The following ANKRD26 variants were observed in gnomAD, a reference collection of about 807,000 sequenced individuals.
ANKRD26 encodes the protein ankyrin repeat domain 26, also known as ankyrin repeat domain-containing protein 26.
A neutral mutation model predicts 208.7 loss-of-function variants in ANKRD26; 141 were observed. The observed-to-expected ratio is 0.68, with a 90% confidence interval of 0.59 to 0.78. The LOEUF (loss-of-function observed/expected upper bound fraction) is 0.78, where lower values mean the gene tolerates loss of function less well. Ranked by LOEUF, ANKRD26 falls within the 30% of genes least tolerant of loss-of-function variation. The probability of loss-of-function intolerance (pLI) is 0.00; values close to 1 mark genes in which losing one functional copy is unlikely to be tolerated. For synonymous variants in ANKRD26, 636 were observed against 660.4 expected (o/e 0.96, Z 0.57); for missense variants, 1,889 against 1,938.7 (o/e 0.97, Z 0.48).
intron 15 of ANKRD26, among the ~76,000 whole-genome samples, chr10:27,054,172 C>T (rs1246181672): frequency 6.6e-6 from 1 of 152,104 alleles, no homozygotes; most frequent in African/African-American, 2.4e-5. Context: ...TGTTTATGCC[C>T]TTGCTCCCAG....
At chr10:27,056,251 C>T (rs2054835742) in intron 15 of ANKRD26, among the ~76,000 whole-genome samples, 1 of 152,080 alleles carries the variant, frequency 6.6e-6, no homozygotes, top group Admixed American at 6.5e-5. Context: ...GATCTTGGCT[C>T]ACTGCAACCT....
the ANKRD26 span, among the ~76,000 whole-genome samples, chr10:26,959,642 C>CT: frequency 0.077 from 10,546 of 137,786 alleles, 874 homozygotes; most frequent in African/African-American, 0.21. Flanking sequence ...TTCGAATGCA[C>CT]TTTTTTTTTT....
At chr10:27,040,644 C>T (rs1029752906) in intron 20 of ANKRD26, among the ~76,000 whole-genome samples, 5 of 152,078 alleles carry the variant, frequency 3.3e-5, no homozygotes, top group South Asian at 2.1e-4. Flanking sequence ...TTTCCTGAAA[C>T]GACCAAAGAC....
chr10:26,980,402 C>T (rs1297592474), intron 5 of ANKRD26, among the ~76,000 whole-genome samples: 1 of 152,202 alleles, frequency 6.6e-6, no homozygotes, highest in Non-Finnish European at 1.5e-5. Flanking sequence ...GCATCCAAAA[C>T]CAACATGTGG....
chr10:26,965,461 C>T, the ANKRD26 span, among the ~76,000 whole-genome samples: 1 of 152,198 alleles, frequency 6.6e-6, no homozygotes. Context: ...CCCTTCCTTA[C>T]ACCTTATACA....
At chr10:27,084,725 T>C (rs2056052163) in intron 5 of ANKRD26, among the ~76,000 whole-genome samples, 1 of 151,886 alleles carries the variant, frequency 6.6e-6, no homozygotes, top group South Asian at 2.1e-4. Flanking sequence ...AAAAATTGGC[T>C]GGGCATGGTG....
intron 15 of ANKRD26, among the ~76,000 whole-genome samples, chr10:27,058,750 A>AT (rs2054932361): frequency 6.7e-6 from 1 of 148,956 alleles, no homozygotes; most frequent in Non-Finnish European, 1.5e-5. Flanking sequence ...TAATTTTTGT[A>AT]TTTTTTTAGT....
At chr10:27,085,662 C>A (rs534997402) in intron 5 of ANKRD26, among the ~76,000 whole-genome samples, 3 of 152,090 alleles carry the variant, frequency 2.0e-5, no homozygotes, top group Admixed American at 6.6e-5. Flanking sequence ...TGAGTTCCCC[C>A]TTTTAAAGAT....
chr10:27,041,914 T>C (rs1589265408), intron 20 of ANKRD26, among the ~76,000 whole-genome samples: 1 of 152,138 alleles, frequency 6.6e-6, no homozygotes, highest in Admixed American at 6.5e-5. Flanking sequence ...AATTATACCA[T>C]ATATCAGAAC....
Position 27,038,004 on chromosome 10 carries a change from T to C in ANKRD26, c.2426A>G (p.Tyr809Cys). ...TCTTAACTGTTCCCTAATTTTTTCA[T>C]ACAACGTATCAGCATTTCTTCTCTT... ...EEKRRNADTLYEKIREQLRRK... is the reference protein window; with the variant it reads ...EEKRRNADTLCEKIREQLRRK... The change falls in exon 22 of 34, where the codon TAT becomes TGT. Residue 809 changes from tyrosine to cysteine, a missense_variant. By Grantham distance (194) the Tyr-to-Cys change is radical. This residue lies in a region of ANKRD26 where 1,272 missense variants were observed against 1,273.8 expected (regional missense o/e 1.00). Transcript: ENST00000376087. 2 of 1,612,530 alleles carry C rather than the reference T, an allele frequency of 1.2e-6. No homozygotes were observed. The highest frequency in any genetic ancestry group is 1.3e-5 in the African/African-American group (1 of 75,030).
chr10:27,028,197 TGGA>T (rs1294849127), intron 27 of ANKRD26, among the ~76,000 whole-genome samples: 1 of 152,196 alleles, frequency 6.6e-6, no homozygotes, highest in Non-Finnish European at 1.5e-5. Flanking sequence ...CTCTTGAGTG[TGGA>T]CAGGATGTCA....
At chr10:26,994,343 A>G (rs1234667858) in intron 5 of ANKRD26, among the ~76,000 whole-genome samples, 5 of 152,226 alleles carry the variant, frequency 3.3e-5, no homozygotes, top group South Asian at 2.1e-4. Context: ...ACAGTTTCCA[A>G]TAATATTGTT....
At position 27,046,670 on chromosome 10, in the gene ANKRD26, A is replaced by T. The variant is rs1196111139; in HGVS notation, c.1815-147T>A. ...GTAATTCTAACAAAGAATAAAAATA[A>T]TTTTTTATAAAATTCCAACATTTCC... On this transcript the variant is annotated intron_variant, in intron 17 of 33. Coordinates refer to ENST00000376087, the MANE Select transcript of ANKRD26 (RefSeq NM_014915.3). 11 of 826,512 alleles carry T rather than the reference A, an allele frequency of 1.3e-5. No homozygotes were observed. In the East Asian group the frequency reaches 1.4e-4, roughly 10 times the overall value. 51.2% of individuals were successfully genotyped at this position (826,512 alleles called of 1,614,324 possible).
chr10:26,961,600 T>C, the ANKRD26 span, among the ~76,000 whole-genome samples: 1 of 152,062 alleles, frequency 6.6e-6, no homozygotes, highest in East Asian at 1.9e-4. Context: ...TCCCAAAACT[T>C]TGGGATGCCA....
At chr10:26,998,718 T>A (rs1200062097) in intron 4 of ANKRD26, among the ~76,000 whole-genome samples, 2 of 152,210 alleles carry the variant, frequency 1.3e-5, no homozygotes, top group Admixed American at 6.5e-5. Flanking sequence ...AGGGCAATCA[T>A]GAGAGATGTC....
chr10:27,073,419 C>T (rs1204461380), intron 9 of ANKRD26, among the ~76,000 whole-genome samples: 1 of 152,176 alleles, frequency 6.6e-6, no homozygotes, highest in Non-Finnish European at 1.5e-5. Context: ...ACCACAATCC[C>T]TCTCTATATG....
At chr10:27,084,259 A>T (rs193156974) in intron 5 of ANKRD26, among the ~76,000 whole-genome samples, 24 of 151,444 alleles carry the variant, frequency 1.6e-4, no homozygotes, top group East Asian at 1.6e-3. Context: ...AAATGTTTGC[A>T]TTCTGTAACG....
At chr10:26,948,267 G>T in the ANKRD26 span, among the ~76,000 whole-genome samples, 184 of 152,222 alleles carry the variant, frequency 1.2e-3, no homozygotes, top group Middle Eastern at 0.031. Context: ...ATTCATCAGG[G>T]TCCTGGGTAA....
At chr10:27,087,373 A>T (rs1414833694) in intron 4 of ANKRD26, among the ~76,000 whole-genome samples, 2 of 152,244 alleles carry the variant, frequency 1.3e-5, no homozygotes, top group African/African-American at 4.8e-5. Context: ...AAGAAATGGA[A>T]TAATTTGTTC....
Sources: gnomAD v4.1 joint callset for allele counts (sites outside exome capture counted in the v4.1 genomes callset) on GRCh38, gnomAD v4.1.1 for gene constraint, gnomAD v4.1.1 regional missense constraint, MANE v1.5 for transcripts, NCBI Gene and HGNC (gene_info 2026-07-23, HGNC 2026-07-21) for gene names.